MICAL3: variants seen among roughly 807,000 people sequenced by gnomAD.
MICAL3 encodes the protein microtubule associated monooxygenase, calponin and LIM domain containing 3.
A neutral mutation model predicts 207.4 loss-of-function variants in MICAL3; 62 were observed. The observed-to-expected ratio is 0.30, with a 90% confidence interval of 0.24 to 0.37. The LOEUF is 0.37. Ranked by LOEUF, MICAL3 falls within the 10% of genes least tolerant of loss-of-function variation. The pLI, the probability that MICAL3 is intolerant of heterozygous loss-of-function variation, is 1.00. For synonymous variants in MICAL3, 1,077 were observed against 1,069.3 expected, an observed-to-expected ratio of 1.01 and a Z score of -0.14; for missense variants, 2,368 against 2,635.6, an observed-to-expected ratio of 0.90 and a Z score of 2.22.
In MICAL3 at chr22:17,925,047, C is replaced by T. The variant is rs144365714; in HGVS notation, c.-74-18161G>A. On this transcript the variant is annotated intron_variant, in intron 1 of 31. Transcript: ENST00000441493. ...AGAGTCCTGGGATCCGAATAAGCCA[C>T]AAACTGGATATTGGGCTCTGGATCC... Among the ~76,000 whole-genome samples, 66 of 152,290 alleles carry T rather than the reference C, an allele frequency of 4.3e-4. 1 individual carries two copies. Among genetic ancestry groups the T allele is most frequent in the African/African-American group, 1.6e-3 (66 of 41,574 alleles).
chr22:17,842,172 C>G, intron 19 of MICAL3, 155 bp from the exon 20 acceptor site: 1 of 682,452 alleles, frequency 1.5e-6, no homozygotes. Context: ...AGAGAAGGAC[C>G]CTGGCATGTG....
At chr22:17,864,317 G>A in intron 19 of MICAL3, 1 of 1,168,484 alleles carries the variant, frequency 8.6e-7, no homozygotes. Flanking sequence ...TCAGGACAGG[G>A]CATGTCCCAT....
At chr22:17,808,543 A>C (rs2062011055) in intron 29 of MICAL3, among the ~76,000 whole-genome samples, 1 of 152,084 alleles carries the variant, frequency 6.6e-6, no homozygotes, top group Non-Finnish European at 1.5e-5. Flanking sequence ...TCCTAGAGTA[A>C]ATGGTGGGGT....
At chr22:17,817,121 C>G (rs993095416) in intron 26 of MICAL3, among the ~76,000 whole-genome samples, 190 bp downstream of exon 26, 2 of 152,190 alleles carry the variant, frequency 1.3e-5, no homozygotes, top group African/African-American at 4.8e-5. Context: ...TTCAAGCTGG[C>G]TTTGAGAATT....
At chr22:17,821,911 C>CG in intron 24 of MICAL3, 119 bp downstream of exon 24, 2 of 1,284,356 alleles carry the variant, frequency 1.6e-6, no homozygotes, top group Non-Finnish European at 2.2e-6. Context: ...GCCCACACCT[C>CG]GGAGGCTGGT....
chr22:17,877,236 G>A (rs1291208368), intron 16 of MICAL3, among the ~76,000 whole-genome samples: 1 of 117,560 alleles, frequency 8.5e-6, no homozygotes, highest in African/African-American at 4.4e-5. Context: ...GGAGGTTATG[G>A]AGGTTAGGGA....
At chr22:17,905,464 C>G (rs1212327147) in intron 2 of MICAL3, among the ~76,000 whole-genome samples, 1 of 152,158 alleles carries the variant, frequency 6.6e-6, no homozygotes, top group Non-Finnish European at 1.5e-5. Flanking sequence ...GTAGTTTGCT[C>G]TGTGTGTGCG....
intron 16 of MICAL3, among the ~76,000 whole-genome samples, chr22:17,875,890 C>G (rs1236382461): frequency 6.6e-6 from 1 of 152,148 alleles, no homozygotes; most frequent in African/African-American, 2.4e-5. Flanking sequence ...GGCTTGTCGA[C>G]TCACATGCTC....
intron 20 of MICAL3, among the ~76,000 whole-genome samples, chr22:17,838,764 G>A (rs1923675352): frequency 6.6e-6 from 1 of 152,082 alleles, no homozygotes; most frequent in African/African-American, 2.4e-5. Flanking sequence ...AACGGTTAAT[G>A]CCTTAAAATG....
At chr22:17,884,389 A>C in intron 16 of MICAL3, 1 of 1,534,788 alleles carries the variant, frequency 6.5e-7, no homozygotes, top group Non-Finnish European at 8.8e-7. Context: ...GTGGGTGGGG[A>C]CAGGACATGG....
At position 17,810,784 on chromosome 22, in the gene MICAL3, A is replaced by G. The variant is rs763128021; in HGVS notation, c.5475T>C (p.Asn1825=). ...EPRTYTEEEL[N]AKLTRRVQKA... ...TTTGCACACGCCGGGTCAGCTTGGC[A>G]TTCAGTTCCTCCTCCGTGTAGGTTC... The change falls in exon 28 of 32, where the codon AAT becomes AAC. Residue 1825 remains asparagine, a synonymous_variant. Transcript: ENST00000441493. The G allele has an allele frequency of 1.2e-6, 2 of 1,613,936 alleles. No individual in the cohort carries two copies. Among genetic ancestry groups the G allele is most frequent in the Admixed American group, 1.7e-5 (1 of 60,022 alleles).
intron 1 of MICAL3, among the ~76,000 whole-genome samples, chr22:17,963,123 C>T (rs1301970426): frequency 6.6e-6 from 1 of 152,070 alleles, no homozygotes; most frequent in Admixed American, 6.6e-5. Context: ...GATTTACTTA[C>T]TTATTTTTGA....
chr22:17,873,365 G>A (rs960387667), intron 16 of MICAL3, among the ~76,000 whole-genome samples: 5 of 152,266 alleles, frequency 3.3e-5, no homozygotes, highest in African/African-American at 7.2e-5. Flanking sequence ...GGTAGCGCAC[G>A]TCGCCAGCTC....
intron 15 of MICAL3, among the ~76,000 whole-genome samples, chr22:17,886,375 A>AT (rs1929870744): frequency 6.6e-6 from 1 of 152,182 alleles, no homozygotes; most frequent in Non-Finnish European, 1.5e-5. Flanking sequence ...TCCACAGAAA[A>AT]AACCAGAGAG....
chr22:17,993,281 G>A (rs1244581088), intron 1 of MICAL3, among the ~76,000 whole-genome samples: 1 of 151,744 alleles, frequency 6.6e-6, no homozygotes, highest in Non-Finnish European at 1.5e-5. Context: ...TTTAAGTTCC[G>A]GGATACATGT....
rs537272320 is a variant in MICAL3, at chr22:17,863,650, G to A, written c.2605+1249C>T. 2.5e-5 allele frequency: 25 copies of A among 985,462 alleles called. No individual in the cohort carries two copies. The East Asian group carries it at 3.4e-4, about 13-fold the overall frequency. 61.0% of individuals were successfully genotyped at this position (985,462 alleles called of 1,614,324 possible). A position where few individuals can be genotyped will look rare whatever the true frequency, so the allele number is the denominator to read the frequency against. ...GGGCACGTGCAGTAGCAGAAGCTGC[G>A]TTCACCTGGCTTGGCTGGGTTCTCA... On this transcript the variant is annotated intron_variant, in intron 19 of 31. Coordinates refer to ENST00000441493, the MANE Select transcript of MICAL3 (RefSeq NM_015241.3).
chr22:17,860,217 TA>T (rs1926364717), intron 19 of MICAL3: 5 of 982,706 alleles, frequency 5.1e-6, no homozygotes, highest in African/African-American at 3.5e-5. Flanking sequence ...AAAAAAAAAT[TA>T]AAAGCACGAC....
At chr22:17,855,844 G>C (rs936792301) in intron 19 of MICAL3, among the ~76,000 whole-genome samples, 5 of 152,200 alleles carry the variant, frequency 3.3e-5, no homozygotes, top group Admixed American at 2.0e-4. Flanking sequence ...GCTTCTCCAG[G>C]GCATCTACAC....
At chr22:17,866,417 G>A (rs768787598) in intron 17 of MICAL3, among the ~76,000 whole-genome samples, 10 of 152,342 alleles carry the variant, frequency 6.6e-5, no homozygotes, top group Middle Eastern at 3.4e-3. Flanking sequence ...GGGTGGAGGC[G>A]TGGAGGCTGC....
Sources: allele counts gnomAD v4.1 joint callset (sites outside exome capture counted in the v4.1 genomes callset), GRCh38; gene constraint gnomAD v4.1.1; transcripts MANE v1.5; gene names NCBI Gene and HGNC (gene_info 2026-07-23, HGNC 2026-07-21).